ZBTB41: variants seen among roughly 807,000 people sequenced by gnomAD.
The protein encoded by ZBTB41 is zinc finger and BTB domain-containing protein 41.
ZBTB41 carries 42 observed loss-of-function variants against 87.6 expected under a neutral mutation model. That is an observed-to-expected ratio of 0.48 (90% CI 0.37 to 0.62). ZBTB41 has a LOEUF of 0.62. Ranked by LOEUF, ZBTB41 falls within the 20% of genes least tolerant of loss-of-function variation. The pLI, the probability that ZBTB41 is intolerant of heterozygous loss-of-function variation, is 0.00. For missense variants in ZBTB41, 799 were observed against 1,078.9 expected (o/e 0.74, Z 3.63); for synonymous variants, 364 against 364.0 (o/e 1.00, Z 0.00).
intron 10 of ZBTB41, among the ~76,000 whole-genome samples, chr1:197,169,646 T>A (rs1229967934): frequency 6.6e-6 from 1 of 152,048 alleles, no homozygotes; most frequent in Non-Finnish European, 1.5e-5. Context: ...ATTGATGGAT[T>A]CATTCATAAA....
chr1:197,173,058 T>G (rs1659517800), intron 9 of ZBTB41, among the ~76,000 whole-genome samples: 1 of 152,052 alleles, frequency 6.6e-6, no homozygotes. Context: ...AACTGAAAAT[T>G]TTATTGTGAG....
chr1:197,194,181 C>A (rs1273667594), intron 2 of ZBTB41, among the ~76,000 whole-genome samples: 2 of 151,912 alleles, frequency 1.3e-5, no homozygotes, highest in Non-Finnish European at 2.9e-5. Flanking sequence ...ATACGCCCAG[C>A]TAATTTTTTG....
Position 197,181,126 on chromosome 1 carries a change from GAA to G in ZBTB41, c.1547-11_1547-10del, listed in dbSNP as rs747785997. 5.4e-5 allele frequency: 65 copies of G among 1,207,862 alleles called. No individual in the cohort carries two copies. The highest frequency in any genetic ancestry group is 2.2e-4 in the Admixed American group (8 of 36,108). 74.8% of individuals were successfully genotyped at this position (1,207,862 alleles called of 1,614,324 possible). On this transcript the variant is annotated splice_polypyrimidine_tract_variant and intron_variant, in intron 5 of 10. Coordinates refer to ENST00000367405, the MANE Select transcript of ZBTB41 (RefSeq NM_194314.3). Reference sequence around the variant, plus strand: ...ATCACATGGAAAAGGACCTAAAAAGGAAAAAAAAAAAGTGTGCATTTAAAGTT... The same window carrying G: ...ATCACATGGAAAAGGACCTAAAAAGGAAAAAAAAAGTGTGCATTTAAAGTT...
rs1407694821 is a variant in ZBTB41 at position 197,190,821 on chromosome 1, C to G, written c.1339G>C (p.Glu447Gln). 16 of 1,583,574 alleles carry G rather than the reference C, an allele frequency of 1.0e-5. No homozygotes were observed. Among genetic ancestry groups the G allele is most frequent in the Non-Finnish European group, 1.4e-5 (16 of 1,160,044 alleles). The change falls in exon 4 of 11, where the codon GAA becomes CAA. Residue 447 changes from glutamate (E) to glutamine (Q), a missense_variant. Coordinates refer to ENST00000367405, the MANE Select transcript of ZBTB41 (RefSeq NM_194314.3). The part of the protein sequence containing the change: ...LAKHVKRFHP[E>Q]NAQEFISIKK... ...ATGGAAATAAATTCTTGTGCATTTTCAGGATGAAATCTATCAGAGGAAAAG... is the reference window on the plus strand; with the variant it reads ...ATGGAAATAAATTCTTGTGCATTTTGAGGATGAAATCTATCAGAGGAAAAG...
At chr1:197,194,139 C>T (rs781220060) in intron 2 of ZBTB41, among the ~76,000 whole-genome samples, 59 of 152,112 alleles carry the variant, frequency 3.9e-4, no homozygotes, top group Admixed American at 5.2e-4. Flanking sequence ...CTGACTCAGC[C>T]TCCTGAGTAG....
chr1:197,181,196 G>T, intron 5 of ZBTB41, 79 bp from the exon 6 acceptor site: 1 of 1,310,574 alleles, frequency 7.6e-7, no homozygotes, highest in Non-Finnish European at 1.0e-6. Flanking sequence ...TATGCTGTAA[G>T]TTCATGCCTA....
intron 10 of ZBTB41, among the ~76,000 whole-genome samples, chr1:197,164,524 A>G (rs1365579704): frequency 6.6e-6 from 1 of 151,500 alleles, no homozygotes; most frequent in Admixed American, 6.6e-5. Context: ...TATAAGTCCA[A>G]AGAAGGCTTG....
At chr1:197,161,122 C>T (rs1400787509) in intron 10 of ZBTB41, among the ~76,000 whole-genome samples, 3 of 152,074 alleles carry the variant, frequency 2.0e-5, no homozygotes, top group Admixed American at 6.6e-5. Flanking sequence ...GAAAGAAATA[C>T]AGCTCTACCA....
chr1:197,187,912 T>G (rs1171229705), intron 5 of ZBTB41, among the ~76,000 whole-genome samples: 1 of 152,168 alleles, frequency 6.6e-6, no homozygotes, highest in African/African-American at 2.4e-5. Flanking sequence ...TTCGGGGCAG[T>G]GAAACTATTC....
Position 197,159,686 on chromosome 1 carries a change from AT to A in ZBTB41, c.2402del (p.Asn801MetfsTer10). 6.2e-7 allele frequency: 1 copy of A among 1,613,998 alleles called. No individual in the cohort carries two copies. The highest frequency in any genetic ancestry group is 8.5e-7 in the Non-Finnish European group (1 of 1,179,916). ...YQSEAKTMLQ[N>X]VSAEVCVPVT... ...CTGGAACACATACTTCAGCAGATAC[AT>A]TCTGTAACATCGTCTTGGCTTCCGA... On this transcript the variant is annotated frameshift_variant, in exon 11 of 11. Transcript: ENST00000367405. LOFTEE classifies it high-confidence loss of function.
chr1:197,200,032 A>T lies in ZBTB41; in HGVS notation c.442T>A (p.Phe148Ile). 1.2e-6 allele frequency: 2 copies of T among 1,613,204 alleles called. No individual in the cohort carries two copies. The highest frequency in any genetic ancestry group is 1.7e-6 in the Non-Finnish European group (2 of 1,179,826). ...GGTATTTCATATTTGTACACAAAAA[A>T]TTCTGATGTGTAAAGAAATTCAAGC... Reference protein sequence around the residue: ...HLLEFLYTSEFFVYKYEIPLV... With the variant: ...HLLEFLYTSEIFVYKYEIPLV... Residue 148 changes from phenylalanine to isoleucine, a missense_variant, in exon 2 of 11, where the codon TTT becomes ATT. Physicochemically the swap from Phe to Ile is conservative, Grantham distance 21. Around this residue, in one of 5 missense-constraint regions of ZBTB41, gnomAD observed 59 missense variants for 120.1 expected, o/e 0.49. Coordinates refer to ENST00000367405, the MANE Select transcript of ZBTB41 (RefSeq NM_194314.3).
At chr1:197,162,171 G>A (rs969855687) in intron 10 of ZBTB41, among the ~76,000 whole-genome samples, 3 of 152,020 alleles carry the variant, frequency 2.0e-5, no homozygotes, top group Non-Finnish European at 4.4e-5. Flanking sequence ...CTAAAAAGAT[G>A]AAAATTCATA....
chr1:197,180,211 T>TA (rs1339239452), intron 6 of ZBTB41, among the ~76,000 whole-genome samples: 2 of 152,266 alleles, frequency 1.3e-5, no homozygotes, highest in Admixed American at 6.5e-5. Flanking sequence ...TTATCTACAG[T>TA]ATTCACTACA....
intron 5 of ZBTB41, among the ~76,000 whole-genome samples, chr1:197,184,900 C>T (rs1008289329): frequency 2.0e-5 from 3 of 152,018 alleles, no homozygotes; most frequent in African/African-American, 4.8e-5. Flanking sequence ...CCACAACCTC[C>T]GCCTCTTGGG....
chr1:197,172,689 A>AC (rs1428514308), intron 9 of ZBTB41, among the ~76,000 whole-genome samples: 3 of 152,070 alleles, frequency 2.0e-5, no homozygotes, highest in African/African-American at 7.2e-5. Context: ...AATTGTGGTG[A>AC]TGATTACATG....
At chr1:197,169,567 G>C (rs551503985) in intron 10 of ZBTB41, among the ~76,000 whole-genome samples, 8 of 152,044 alleles carry the variant, frequency 5.3e-5, no homozygotes, top group African/African-American at 1.7e-4. Context: ...TTACTGACTG[G>C]GAGGAGCCAT....
In ZBTB41 at chr1:197,191,880, G is replaced by A. The variant is rs770788933; in HGVS notation, c.1140C>T (p.Thr380=). ...AGGGCTTCTCACCTGTGTGAACACG[G>A]GTGTGGCTCTCATATTTTCCTATAA... The part of the protein sequence containing the change: ...FDRIGKYESH[T]RVHTGEKPFE... Residue 380 remains threonine (T), a synonymous_variant, in exon 3 of 11, where the codon ACC becomes ACT. Transcript: ENST00000367405. 4 of 1,603,452 alleles carry A rather than the reference G, an allele frequency of 2.5e-6. No homozygotes were observed. The African/African-American group carries it at 4.0e-5, about 16-fold the overall frequency.
At chr1:197,191,612 T>A (rs781653657) in intron 3 of ZBTB41, 80 bp downstream of exon 3, 180 of 1,159,562 alleles carry the variant, frequency 1.6e-4, no homozygotes, top group Non-Finnish European at 2.0e-4. Flanking sequence ...AGATAAGCAC[T>A]TTATAGATGT....
At chr1:197,172,954 A>G (rs1381826224) in intron 9 of ZBTB41, among the ~76,000 whole-genome samples, 1 of 152,148 alleles carries the variant, frequency 6.6e-6, no homozygotes, top group African/African-American at 2.4e-5. Context: ...CTACAAAATA[A>G]TAGACAGAAA....
Sources: gnomAD v4.1 joint callset for allele counts (sites outside exome capture counted in the v4.1 genomes callset) on GRCh38, gnomAD v4.1.1 for gene constraint, gnomAD v4.1.1 regional missense constraint, MANE v1.5 for transcripts, NCBI Gene and HGNC (gene_info 2026-07-23, HGNC 2026-07-21) for gene names.